Variants in PLIN1 observed in about 807,000 individuals in gnomAD.
PLIN1 encodes perilipin 1.
In PLIN1, 37 loss-of-function variants were observed where a neutral mutation model predicts 45.8. The ratio of observed to expected loss-of-function variants is 0.81; its 90% CI spans 0.62 to 1.06. The LOEUF (loss-of-function observed/expected upper bound fraction) is 1.06, where lower values mean the gene tolerates loss of function less well. Ranked by LOEUF, PLIN1 falls within the 50% of genes least tolerant of loss-of-function variation. The probability of loss-of-function intolerance (pLI) is 0.00; values close to 1 mark genes in which losing one functional copy is unlikely to be tolerated. For synonymous variants in PLIN1, 340 were observed against 309.2 expected, an observed-to-expected ratio of 1.10 and a Z score of -1.05; for missense variants, 776 against 716.5, an observed-to-expected ratio of 1.08 and a Z score of -0.95.
At chr15:89,666,904 G>A (rs200886813) in intron 8 of PLIN1, 32 bp downstream of exon 8, 966 of 1,612,696 alleles carry the variant, frequency 6.0e-4, no homozygotes, top group Non-Finnish European at 7.8e-4. Context: ...GCCCCCTTGG[G>A]ACACTAACAG....
At chr15:89,673,186 C>G (rs185628110) in intron 3 of PLIN1, 24 bp downstream of exon 3, 1 of 1,524,146 alleles carries the variant, frequency 6.6e-7, no homozygotes. Flanking sequence ...AAGCAGGCAG[C>G]TGCTGAGCGC....
At chr15:89,666,874 A>G (rs940746754) in intron 8 of PLIN1, 62 bp downstream of exon 8, 136 of 1,598,380 alleles carry the variant, frequency 8.5e-5, no homozygotes, top group South Asian at 2.7e-4. Flanking sequence ...AGTCAAATCT[A>G]CTTTATCTGC....
chr15:89,669,116 C>A (rs923446509), intron 6 of PLIN1, among the ~76,000 whole-genome samples: 2 of 152,058 alleles, frequency 1.3e-5, no homozygotes, highest in African/African-American at 4.8e-5. Flanking sequence ...GGATGACAGT[C>A]CCTAGTGCTT....
intron 2 of PLIN1, among the ~76,000 whole-genome samples, chr15:89,675,746 C>T (rs1208662553): frequency 7.9e-5 from 12 of 152,196 alleles, no homozygotes; most frequent in African/African-American, 2.7e-4. Context: ...CAGCCATCCT[C>T]TGGGGTCAGC....
In PLIN1 at chr15:89,667,211, T is replaced by A. The variant is rs746207722; in HGVS notation, c.964-30A>T. On this transcript the variant is annotated intron_variant, in intron 7 of 8. Coordinates refer to ENST00000300055, the MANE Select transcript of PLIN1 (RefSeq NM_002666.5). ...GGGCCAAAGCAGGGTCAGTGCCTCCTGTGGTAACTCCCCTGACCCTTCCCT... is the reference window on the plus strand; with the variant it reads ...GGGCCAAAGCAGGGTCAGTGCCTCCAGTGGTAACTCCCCTGACCCTTCCCT... 54 of 1,611,436 alleles carry A rather than the reference T, an allele frequency of 3.4e-5. No homozygotes were observed. The Admixed American group carries it at 9.0e-4, about 27-fold the overall frequency.
At chr15:89,677,221 C>G (rs1228222812) in intron 2 of PLIN1, 3 of 592,812 alleles carry the variant, frequency 5.1e-6, no homozygotes, top group African/African-American at 1.9e-5. Flanking sequence ...CCCTTTTTTT[C>G]AAGGTGCTTA....
Position 89,670,107 on chromosome 15 carries a change from G to A in PLIN1, c.471C>T (p.Ala157=), listed in dbSNP as rs1002472476. The A allele has an allele frequency of 1.9e-6, 3 of 1,614,202 alleles. No individual in the cohort carries two copies. Among genetic ancestry groups the A allele is most frequent in the Admixed American group, 3.3e-5 (2 of 60,036 alleles). ...LAGCELAWGV[A]RDTAEFAANT... ...TGGCAGCAAATTCCGCAGTGTCTCT[G>A]GCCACCCCCCAGGCAAGCTCGCACC... Residue 157 remains alanine (A), a synonymous_variant, in exon 5 of 9, where the codon GCC becomes GCT. Coordinates refer to ENST00000300055, the MANE Select transcript of PLIN1 (RefSeq NM_002666.5).
chr15:89,673,164 T>C lies in PLIN1; in HGVS notation c.250+46A>G, dbSNP rs1030446318. On this transcript the variant is annotated intron_variant, in intron 3 of 8. Transcript: ENST00000300055. Reference sequence around the variant, plus strand: ...AGAGGCGGACAGACAGACTGGAAGGTAGGCAGTGAACAAGCAGGCAGCTGC... The same window carrying C: ...AGAGGCGGACAGACAGACTGGAAGGCAGGCAGTGAACAAGCAGGCAGCTGC... The C allele has an allele frequency of 7.3e-6, 10 of 1,367,202 alleles. No homozygotes were observed. In the African/African-American group the frequency reaches 1.0e-4, roughly 14 times the overall value. 84.7% of individuals were successfully genotyped at this position (1,367,202 alleles called of 1,614,324 possible).
intron 7 of PLIN1, 140 bp from the exon 8 acceptor site, chr15:89,667,321 G>T: frequency 8.6e-7 from 1 of 1,159,884 alleles, no homozygotes; most frequent in Non-Finnish European, 1.2e-6. Context: ...TAGCAGTGTG[G>T]CCTTGGACAG....
In PLIN1 at chr15:89,665,693, C is replaced by T. The variant is rs959529757; in HGVS notation, c.1459G>A (p.Val487Met). ...CTGCGCTTTGGCTTCTCGCGGGGCA[C>T]GGCCGGGAAGCCCGGGCGCGGCGCT... The part of the protein sequence containing the change: ...PAAPRPGFPA[V>M]PREKPKRRVS... The change falls in exon 9 of 9, where the codon GTG (valine) becomes ATG (methionine). Residue 487 changes from valine to methionine, a missense_variant. By Grantham distance (21) the Val-to-Met change is conservative (BLOSUM62 1). Coordinates refer to ENST00000300055, the MANE Select transcript of PLIN1 (RefSeq NM_002666.5). 4.1e-6 allele frequency: 6 copies of T among 1,473,818 alleles called. No individual in the cohort carries two copies. Among genetic ancestry groups the T allele is most frequent in the South Asian group, 3.9e-5 (3 of 77,442 alleles). 91.3% of individuals were successfully genotyped at this position (1,473,818 alleles called of 1,614,324 possible). A position where few individuals can be genotyped will look rare whatever the true frequency, so the allele number is the denominator to read the frequency against.
At chr15:89,677,614 T>G in intron 1 of PLIN1, 111 bp from the exon 2 acceptor site, 1 of 871,558 alleles carries the variant, frequency 1.1e-6, no homozygotes, top group Non-Finnish European at 2.0e-6. Flanking sequence ...TGGGGGCCCA[T>G]TTGCCCTGAA....
intron 4 of PLIN1, 142 bp from the exon 5 acceptor site, chr15:89,670,386 C>A (rs1019629656): frequency 2.4e-6 from 2 of 837,032 alleles, no homozygotes; most frequent in African/African-American, 1.7e-5. Context: ...TATTTAGGTA[C>A]CTGGAATTAA....
At chr15:89,678,228 G>A (rs556422714) in intron 1 of PLIN1, among the ~76,000 whole-genome samples, 2 of 151,982 alleles carry the variant, frequency 1.3e-5, no homozygotes, top group Admixed American at 1.3e-4. Context: ...CAGGTTAAGA[G>A]GCCAGGCGCG....
Position 89,676,821 on chromosome 15 carries a change from C to T in PLIN1, c.45+624G>A, listed in dbSNP as rs557459171. 4.1e-4 allele frequency: 63 copies of T among 154,952 alleles called. 1 individual carries two copies. In the South Asian group the frequency reaches 0.012, roughly 30 times the overall value. 9.6% of individuals were successfully genotyped at this position (154,952 alleles called of 1,614,324 possible). A position where few individuals can be genotyped will look rare whatever the true frequency, so the allele number is the denominator to read the frequency against. On this transcript the variant is annotated intron_variant, in intron 2 of 8. Transcript: ENST00000300055. ...AGTGCAGGAGTTAGTAAAAGCGTAA[C>T]TTGGGCAAGGTGGATATTGCACAGG...
At chr15:89,677,413 T>A (rs1420446870) in intron 2 of PLIN1, 32 bp downstream of exon 2, 1 of 1,583,478 alleles carries the variant, frequency 6.3e-7, no homozygotes, top group Non-Finnish European at 8.7e-7. Context: ...CAGTTGTCCA[T>A]CCCCTGTCAC....
rs1964313873 is a variant in PLIN1, at chr15:89,665,354, C to T, written c.*229G>A. On this transcript the variant is annotated 3_prime_UTR_variant, in exon 9 of 9. Transcript: ENST00000300055. ...GCCATAGAATCAGAGCAGGCTGCGG[C>T]TCTGGTGTCCCTTAAAAACTGGCTC... 2.7e-6 allele frequency: 1 copy of T among 366,774 alleles called. No homozygotes were observed. Among genetic ancestry groups the T allele is most frequent in the African/African-American group, 2.1e-5 (1 of 47,728 alleles). 22.7% of individuals were successfully genotyped at this position (366,774 alleles called of 1,614,324 possible). A position where few individuals can be genotyped will look rare whatever the true frequency, so the allele number is the denominator to read the frequency against.
chr15:89,671,423 T>G, intron 4 of PLIN1, 59 bp downstream of exon 4: 1 of 1,209,926 alleles, frequency 8.3e-7, no homozygotes, highest in South Asian at 1.3e-5. Context: ...TGCCCTCTCC[T>G]CCCTGAGAGG....
Position 89,669,547 on chromosome 15 carries a change from C to G in PLIN1, c.724G>C (p.Glu242Gln). 6.2e-7 allele frequency: 1 copy of G among 1,613,696 alleles called. No homozygotes were observed. Among genetic ancestry groups the G allele is most frequent in the Non-Finnish European group, 8.5e-7 (1 of 1,179,904 alleles). The part of the protein sequence containing the change: ...YTVQTMARAL[E>Q]QGHTVAMWIP... Reference sequence around the variant, plus strand: ...CACATGGCCACGGTGTGGCCCTGCTCCAGGGCCCGGGCCATGGTCTGCACG... The same window carrying G: ...CACATGGCCACGGTGTGGCCCTGCTGCAGGGCCCGGGCCATGGTCTGCACG... Residue 242 changes from glutamate (E) to glutamine (Q), a missense_variant, in exon 6 of 9, where the codon GAG (glutamate) becomes CAG (glutamine). By Grantham distance (29) the Glu-to-Gln change is conservative. Coordinates refer to ENST00000300055, the MANE Select transcript of PLIN1 (RefSeq NM_002666.5).
intron 3 of PLIN1, among the ~76,000 whole-genome samples, chr15:89,672,407 C>G (rs190477582): frequency 7.8e-4 from 119 of 152,280 alleles, no homozygotes; most frequent in African/African-American, 2.8e-3. Flanking sequence ...GCAGAGAGCC[C>G]AGATGACTTG....
Sources: gnomAD v4.1 joint callset for allele counts (sites outside exome capture counted in the v4.1 genomes callset) on GRCh38, gnomAD v4.1.1 for gene constraint, MANE v1.5 for transcripts, NCBI Gene and HGNC (gene_info 2026-07-23, HGNC 2026-07-21) for gene names.